Variants in ATRNL1 observed in about 807,000 individuals in gnomAD.
The protein encoded by ATRNL1 is attractin-like protein 1.
A neutral mutation model predicts 182.7 loss-of-function variants in ATRNL1; 95 were observed. The observed-to-expected ratio is 0.52, with a 90% confidence interval of 0.44 to 0.62. The LOEUF (loss-of-function observed/expected upper bound fraction) is 0.62, where lower values mean the gene tolerates loss of function less well. ATRNL1 is among the 20% of genes least tolerant of loss of function. The pLI, the probability that ATRNL1 is intolerant of heterozygous loss-of-function variation, is 0.00. For missense variants in ATRNL1, 1,471 were observed against 1,679.5 expected (o/e 0.88, Z 2.17); for synonymous variants, 576 against 568.3 (o/e 1.01, Z -0.19).
intron 26 of ATRNL1, among the ~76,000 whole-genome samples, chr10:115,635,803 C>A (rs552423663): frequency 6.6e-6 from 1 of 151,884 alleles, no homozygotes; most frequent in Non-Finnish European, 1.5e-5. Flanking sequence ...AGACACTGTA[C>A]AGGAAAAAAA....
Position 115,120,261 on chromosome 10 carries a change from GA to G in ATRNL1, c.372del (p.Gly125AlafsTer7). The G allele has an allele frequency of 6.6e-7, 1 of 1,524,914 alleles. No homozygotes were observed. The highest frequency in any genetic ancestry group is 1.4e-5 in the African/African-American group (1 of 72,892). 94.5% of individuals were successfully genotyped at this position (1,524,914 alleles called of 1,614,324 possible). On this transcript the variant is annotated frameshift_variant, in exon 2 of 29. Transcript: ENST00000355044. LOFTEE classifies it high-confidence loss of function. Reference sequence around the variant, plus strand: ...TAAAACTAAATGTACTTGGCTCATTGAAGGCTAGTAAGTATACAGTCTGAGT... The same window carrying G: ...TAAAACTAAATGTACTTGGCTCATTGAGGCTAGTAAGTATACAGTCTGAGT... ...KYKTKCTWLIEGYPNAVLRLR... is the reference protein window; with the variant it reads ...KYKTKCTWLIXGYPNAVLRLR...
chr10:115,690,562 C>A (rs1555047797), intron 26 of ATRNL1, among the ~76,000 whole-genome samples: 1 of 152,066 alleles, frequency 6.6e-6, no homozygotes, highest in South Asian at 2.1e-4. Context: ...GGTTGGAGAC[C>A]CCTGGACCAG....
At chr10:115,690,297 G>A (rs1946349393) in intron 26 of ATRNL1, among the ~76,000 whole-genome samples, 1 of 151,990 alleles carries the variant, frequency 6.6e-6, no homozygotes, top group African/African-American at 2.4e-5. Context: ...GGTATTGGGG[G>A]GAGATACTTT....
chr10:115,435,796 T>A (rs1846378277), intron 21 of ATRNL1, among the ~76,000 whole-genome samples: 1 of 152,188 alleles, frequency 6.6e-6, no homozygotes, highest in Non-Finnish European at 1.5e-5. Flanking sequence ...TCTCAGTTGA[T>A]TTCTGTTTTT....
intron 15 of ATRNL1, among the ~76,000 whole-genome samples, chr10:115,299,093 AAAG>A (rs1280980363): frequency 2.0e-5 from 3 of 151,900 alleles, no homozygotes; most frequent in Non-Finnish European, 4.4e-5. Context: ...GTTTAAAAAA[AAAG>A]AACAATGTGG....
Position 115,312,114 on chromosome 10 carries a change from T to A in ATRNL1, c.2819-3404T>A, listed in dbSNP as rs182539757. ...TTATACCATTTACATGTAACATTAATTTTGAGATGTGGGGTACATTTCTAG... is the reference window on the plus strand; with the variant it reads ...TTATACCATTTACATGTAACATTAAATTTGAGATGTGGGGTACATTTCTAG... On this transcript the variant is annotated intron_variant, in intron 17 of 28. Coordinates refer to ENST00000355044, the MANE Select transcript of ATRNL1 (RefSeq NM_207303.4). Among the ~76,000 whole-genome samples the A allele has an allele frequency of 6.8e-3, 1,034 of 152,294 alleles. 4 individuals carry two copies. Among genetic ancestry groups the A allele is most frequent in the Non-Finnish European group, 7.4e-3 (506 of 68,014 alleles).
intron 26 of ATRNL1, among the ~76,000 whole-genome samples, chr10:115,639,038 G>T (rs569411698): frequency 6.6e-6 from 1 of 152,120 alleles, no homozygotes; most frequent in African/African-American, 2.4e-5. Context: ...AAACCTACAG[G>T]TCCAAGAAGA....
At chr10:115,501,674 T>C (rs1849846120) in intron 24 of ATRNL1, among the ~76,000 whole-genome samples, 2 of 152,206 alleles carry the variant, frequency 1.3e-5, no homozygotes, top group South Asian at 4.1e-4. Context: ...ATGTTGTTTA[T>C]AGGAGTATAC....
intron 17 of ATRNL1, among the ~76,000 whole-genome samples, chr10:115,307,487 C>G (rs1237192848): frequency 4.6e-5 from 7 of 152,238 alleles, no homozygotes; most frequent in Admixed American, 1.3e-4. Context: ...GTCTTGAACT[C>G]CTGACTTCAA....
intron 19 of ATRNL1, among the ~76,000 whole-genome samples, chr10:115,375,651 G>T (rs1857631171): frequency 6.6e-6 from 1 of 151,682 alleles, no homozygotes; most frequent in African/African-American, 2.4e-5. Context: ...TTTATTTCAT[G>T]ATTACCATTA....
chr10:115,354,265 C>T (rs1856403514), intron 19 of ATRNL1, among the ~76,000 whole-genome samples: 1 of 152,106 alleles, frequency 6.6e-6, no homozygotes, highest in African/African-American at 2.4e-5. Flanking sequence ...ACCTTTTCCA[C>T]TGAATTTCAT....
chr10:115,872,985 A>G (rs1329317145), intron 28 of ATRNL1, among the ~76,000 whole-genome samples: 1 of 152,232 alleles, frequency 6.6e-6, no homozygotes, highest in Non-Finnish European at 1.5e-5. Context: ...TTGAGCATTT[A>G]AGAAGATCTT....
At chr10:115,531,738 C>T (rs1264500750) in intron 25 of ATRNL1, among the ~76,000 whole-genome samples, 8 of 150,888 alleles carry the variant, frequency 5.3e-5, no homozygotes, top group Admixed American at 1.3e-4. Flanking sequence ...CCTAGGTTTT[C>T]TTCTAGGGTT....
chr10:115,753,977 T>C (rs1948517564), intron 27 of ATRNL1, among the ~76,000 whole-genome samples: 1 of 152,246 alleles, frequency 6.6e-6, no homozygotes, highest in Non-Finnish European at 1.5e-5. Flanking sequence ...ATGTCTTCTT[T>C]TGAGAAGTGT....
At position 115,902,811 on chromosome 10, in the gene ATRNL1, G is replaced by C. The variant is rs560942138; in HGVS notation, c.4019-41847G>C. 2.6e-5 allele frequency among the ~76,000 whole-genome samples: 4 copies of C among 152,288 alleles called. No individual in the cohort carries two copies. In the South Asian group the frequency reaches 6.2e-4, roughly 24 times the overall value. On this transcript the variant is annotated intron_variant, in intron 28 of 28. Transcript: ENST00000355044. ...AGGAACTCAGCAATGAGAAGCAACG[G>C]GGGGATCTGACAGGTCTTTGCTGCA...
chr10:115,573,158 G>C (rs901189199), intron 26 of ATRNL1, among the ~76,000 whole-genome samples: 1 of 152,170 alleles, frequency 6.6e-6, no homozygotes, highest in East Asian at 1.9e-4. Flanking sequence ...GGGCTCAAAG[G>C]GTGAGTGCAA....
chr10:115,534,877 G>A (rs1351879031), intron 25 of ATRNL1, among the ~76,000 whole-genome samples: 1 of 151,940 alleles, frequency 6.6e-6, no homozygotes, highest in Non-Finnish European at 1.5e-5. Context: ...GCTTAGTTTG[G>A]CTGGATATGA....
At chr10:115,822,697 C>T (rs1347805590) in intron 27 of ATRNL1, among the ~76,000 whole-genome samples, 1 of 152,230 alleles carries the variant, frequency 6.6e-6, no homozygotes, top group African/African-American at 2.4e-5. Flanking sequence ...TGGATAAATT[C>T]CTGGACACAT....
intron 19 of ATRNL1, among the ~76,000 whole-genome samples, chr10:115,383,363 G>A (rs1035770658): frequency 2.6e-5 from 4 of 151,784 alleles, no homozygotes; most frequent in African/African-American, 7.2e-5. Context: ...AATTATGACC[G>A]GGTGAGAAAA....
Sources: gnomAD v4.1 joint callset for allele counts (sites outside exome capture counted in the v4.1 genomes callset) on GRCh38, gnomAD v4.1.1 for gene constraint, MANE v1.5 for transcripts, NCBI Gene and HGNC (gene_info 2026-07-23, HGNC 2026-07-21) for gene names.